Variants in GLI4 observed in about 807,000 individuals in gnomAD.
The protein encoded by GLI4 is zinc finger protein GLI4.
A neutral mutation model predicts 30.9 loss-of-function variants in GLI4; 34 were observed. That is an observed-to-expected ratio of 1.10 (90% CI 0.84 to 1.47). GLI4 has a LOEUF of 1.47. Ranked by LOEUF, GLI4 falls within the 40% of genes most tolerant of loss-of-function variation. The pLI is 0.00. For missense variants in GLI4, 696 were observed against 538.9 expected (o/e 1.29, Z -2.89); for synonymous variants, 277 against 236.7 (o/e 1.17, Z -1.56).
At chr8:143,274,176 C>T (rs987020802) in intron 2 of GLI4, among the ~76,000 whole-genome samples, 31 of 152,158 alleles carry the variant, frequency 2.0e-4, no homozygotes, top group African/African-American at 5.5e-4. Flanking sequence ...GGGGCCAGTG[C>T]GCTGGGCCTG....
chr8:143,270,691 C>T (rs1815248726), intron 2 of GLI4, among the ~76,000 whole-genome samples: 1 of 152,204 alleles, frequency 6.6e-6, no homozygotes, highest in South Asian at 2.1e-4. Context: ...GAGAGGAGTT[C>T]TCCTGTCCCG....
intron 2 of GLI4, 102 bp downstream of exon 2, chr8:143,269,622 C>G: frequency 2.1e-6 from 2 of 941,354 alleles, no homozygotes; most frequent in Non-Finnish European, 3.4e-6. Flanking sequence ...ACTTGAGAGG[C>G]GCCTCCAGAC....
Position 143,276,623 on chromosome 8 carries a change from A to C in GLI4, c.950A>C (p.His317Pro). ...SSVLIEHQRI[H>P]TGEKPYECSD... ...GTGCTCATCGAGCACCAGCGCATCC[A>C]CACTGGCGAGAAGCCCTACGAGTGC... Residue 317 changes from histidine (H) to proline (P), a missense_variant, in exon 4 of 4, where the codon CAC (histidine) becomes CCC (proline). Physicochemically the swap from His to Pro is moderately conservative, Grantham distance 77. Coordinates refer to ENST00000340042, the MANE Select transcript of GLI4 (RefSeq NM_138465.4). 1 of 1,612,644 alleles carries C rather than the reference A, an allele frequency of 6.2e-7. No homozygotes were observed. The highest frequency in any genetic ancestry group is 8.5e-7 in the Non-Finnish European group (1 of 1,179,780).
rs1464377413 is a variant in GLI4 at position 143,275,997 on chromosome 8, C to A, written c.324C>A (p.Pro108=). ...TGCGCAGCCTCCTGAGGAGCCTTCC[C>A]CGCAGGGCCCGGTGCAGCGCCGGCT... ...GALRSLLRSL[P]RRARCSAGFG... The change falls in exon 4 of 4, where the codon CCC becomes CCA. Residue 108 remains proline (P), a synonymous_variant. Coordinates refer to ENST00000340042, the MANE Select transcript of GLI4 (RefSeq NM_138465.4). The A allele has an allele frequency of 7.1e-7, 1 of 1,408,612 alleles. No individual in the cohort carries two copies. Among genetic ancestry groups the A allele is most frequent in the African/African-American group, 1.5e-5 (1 of 66,712 alleles). 87.3% of individuals were successfully genotyped at this position (1,408,612 alleles called of 1,614,324 possible).
At chr8:143,268,662 A>T (rs1273889577) in intron 1 of GLI4, among the ~76,000 whole-genome samples, 1 of 152,178 alleles carries the variant, frequency 6.6e-6, no homozygotes, top group Non-Finnish European at 1.5e-5. Flanking sequence ...CCAGCAGCTG[A>T]GGTTTTTCTG....
At chr8:143,274,942 C>T in intron 3 of GLI4, 140 bp downstream of exon 3, 1 of 1,480,466 alleles carries the variant, frequency 6.8e-7, no homozygotes, top group South Asian at 1.3e-5. Flanking sequence ...ATCAGCTCAC[C>T]TCTGCCCCGT....
In GLI4 at chr8:143,269,410, G is replaced by A. The variant is rs766995041; in HGVS notation, c.14G>A (p.Gly5Glu). Residue 5 changes from glycine (G) to glutamate (E), a missense_variant, in exon 2 of 4, where the codon GGG becomes GAG. Gly to Glu is a moderately conservative substitution (Grantham distance 98). Transcript: ENST00000340042. Reference protein sequence around the residue: MAALGDIQESPSVPS... With the variant: MAALEDIQESPSVPS... ...GTCTCAGGGAAGATGGCAGCCCTAGGGGACATTCAGGAGTCCCCTTCTGTC... is the reference window on the plus strand; with the variant it reads ...GTCTCAGGGAAGATGGCAGCCCTAGAGGACATTCAGGAGTCCCCTTCTGTC... 1.2e-6 allele frequency: 2 copies of A among 1,611,366 alleles called. No individual in the cohort carries two copies. Among genetic ancestry groups the A allele is most frequent in the South Asian group, 1.1e-5 (1 of 91,044 alleles).
At position 143,276,473 on chromosome 8, in the gene GLI4, A is replaced by ACAAGTGCGG. The variant is rs748071620; in HGVS notation, c.802_810dup (p.Lys268_Gly270dup). 1 of 1,612,704 alleles carries ACAAGTGCGG rather than the reference A, an allele frequency of 6.2e-7. No individual in the cohort carries two copies. The highest frequency in any genetic ancestry group is 2.2e-5 in the East Asian group (1 of 44,846). On this transcript the variant is annotated inframe_insertion, in exon 4 of 4. Transcript: ENST00000340042. ...CGCATCCACAACGGCGAGAAGCCCT[A>ACAAGTGCGG]CAAGTGCGGCGAGTGCGGCCAGGCC...
At chr8:143,269,693 C>T (rs925691123) in intron 2 of GLI4, among the ~76,000 whole-genome samples, 173 bp downstream of exon 2, 8 of 152,222 alleles carry the variant, frequency 5.3e-5, no homozygotes, top group Non-Finnish European at 8.8e-5. Flanking sequence ...GGGCTCGGCG[C>T]GGGTTGGGTT....
rs1056148 is a variant in GLI4 at position 143,276,211 on chromosome 8, G to A, written c.538G>A (p.Ala180Thr). 752,195 of 1,579,190 alleles carry A rather than the reference G, an allele frequency of 0.48. 187,998 individuals carry two copies. The highest frequency in any genetic ancestry group is 0.68 in the East Asian group (28,667 of 42,374). Residue 180 changes from alanine to threonine, a missense_variant, in exon 4 of 4, where the codon GCC becomes ACC. Ala to Thr is a moderately conservative substitution (Grantham distance 58). Transcript: ENST00000340042. ...GRSRQGSARGAKPHRCEACGK... is the reference protein window; with the variant it reads ...GRSRQGSARGTKPHRCEACGK... ...GAGCCGGCAGGGCAGCGCGCGGGGG[G>A]CCAAGCCGCACAGGTGCGAGGCCTG...
chr8:143,274,985 A>G (rs2129686959), intron 3 of GLI4, 183 bp downstream of exon 3: 1 of 1,493,274 alleles, frequency 6.7e-7, no homozygotes, highest in Middle Eastern at 1.7e-4. Flanking sequence ...CAGTCCAGTT[A>G]CTGATGCTTC....
chr8:143,269,365 A>G lies in GLI4; in HGVS notation c.-32A>G. The G allele has an allele frequency of 1.2e-6, 2 of 1,605,152 alleles. No individual in the cohort carries two copies. Among genetic ancestry groups the G allele is most frequent in the South Asian group, 1.1e-5 (1 of 90,820 alleles). On this transcript the variant is annotated 5_prime_UTR_variant, in exon 2 of 4. Coordinates refer to ENST00000340042, the MANE Select transcript of GLI4 (RefSeq NM_138465.4). ...ATGGTTTTCATTTTCCCCAGGTCCCAGGTGTGACACCTTCAGCAGGTCTCA... is the reference window on the plus strand; with the variant it reads ...ATGGTTTTCATTTTCCCCAGGTCCCGGGTGTGACACCTTCAGCAGGTCTCA...
At chr8:143,272,677 C>CT (rs1172775919) in intron 2 of GLI4, among the ~76,000 whole-genome samples, 2 of 152,204 alleles carry the variant, frequency 1.3e-5, no homozygotes, top group African/African-American at 4.8e-5. Context: ...TGGCAGGTGA[C>CT]TGAGCTCTGC....
intron 2 of GLI4, among the ~76,000 whole-genome samples, chr8:143,270,327 C>T (rs1815239600): frequency 6.6e-6 from 1 of 152,212 alleles, no homozygotes; most frequent in Non-Finnish European, 1.5e-5. Flanking sequence ...GGTGGGCACT[C>T]AGATGGGGAC....
At position 143,267,924 on chromosome 8, in the gene GLI4, G is replaced by GAT. The variant is rs963720876; in HGVS notation, c.-38+441_-38+442dup. The GAT allele has an allele frequency of 3.0e-5, 30 of 985,442 alleles. No homozygotes were observed. The South Asian group carries it at 1.3e-3, about 43-fold the overall frequency. The allele number at this position is 985,442 out of a possible 1,614,324, so 61.0% of individuals were successfully genotyped here. ...CGGGGCTGGGAACAGAGGGGCAGAGGATGCTTCCCCCGAGCCGCTGGCAGG... is the reference window on the plus strand; with the variant it reads ...CGGGGCTGGGAACAGAGGGGCAGAGGATATGCTTCCCCCGAGCCGCTGGCAGG... On this transcript the variant is annotated intron_variant, in intron 1 of 3. Coordinates refer to ENST00000340042, the MANE Select transcript of GLI4 (RefSeq NM_138465.4).
chr8:143,276,033 A>G lies in GLI4; in HGVS notation c.360A>G (p.Glu120=), dbSNP rs887991630. ...RARCSAGFGP[E]SSAERPAGQP... ...GGTGCAGCGCCGGCTTCGGGCCTGA[A>G]TCCAGCGCGGAGCGGCCGGCGGGCC... Residue 120 remains glutamate (E), a synonymous_variant, in exon 4 of 4, where the codon GAA becomes GAG. Transcript: ENST00000340042. 3.6e-6 allele frequency: 5 copies of G among 1,390,398 alleles called. No individual in the cohort carries two copies. The highest frequency in any genetic ancestry group is 4.6e-6 in the Non-Finnish European group (5 of 1,075,680). 86.1% of individuals were successfully genotyped at this position (1,390,398 alleles called of 1,614,324 possible). A position where few individuals can be genotyped will look rare whatever the true frequency, so the allele number is the denominator to read the frequency against.
In GLI4 at chr8:143,275,999, G is replaced by A. The variant is rs553133896; in HGVS notation, c.326G>A (p.Arg109His). 1.3e-4 allele frequency: 181 copies of A among 1,407,434 alleles called. No individual in the cohort carries two copies. The African/African-American group carries it at 2.6e-3, about 20-fold the overall frequency. 87.2% of individuals were successfully genotyped at this position (1,407,434 alleles called of 1,614,324 possible). ...ALRSLLRSLP[R>H]RARCSAGFGP... ...CGCAGCCTCCTGAGGAGCCTTCCCC[G>A]CAGGGCCCGGTGCAGCGCCGGCTTC... is the stretch of plus-strand genomic sequence containing the variant. The change falls in exon 4 of 4, where the codon CGC becomes CAC. Residue 109 changes from arginine to histidine, a missense_variant. Transcript: ENST00000340042.
Position 143,275,934 on chromosome 8 carries a change from T to G in GLI4, c.261T>G (p.Pro87=). ...EPKPEQAPRS[P]GSQAPDEGAG... is the part of the protein sequence containing the mutation. Reference sequence around the variant, plus strand: ...AGCCGGAGCAGGCTCCACGCTCTCCTGGCTCTCAGGCCCCTGACGAGGGGG... The same window carrying G: ...AGCCGGAGCAGGCTCCACGCTCTCCGGGCTCTCAGGCCCCTGACGAGGGGG... The change falls in exon 4 of 4, where the codon CCT becomes CCG. Residue 87 remains proline (P), a synonymous_variant. Coordinates refer to ENST00000340042, the MANE Select transcript of GLI4 (RefSeq NM_138465.4). The G allele has an allele frequency of 2.3e-6, 3 of 1,329,238 alleles. No homozygotes were observed. Among genetic ancestry groups the G allele is most frequent in the Middle Eastern group, 2.0e-4 (1 of 5,090 alleles). The allele number at this position is 1,329,238 out of a possible 1,614,324, so 82.3% of individuals were successfully genotyped here. A position where few individuals can be genotyped will look rare whatever the true frequency, so the allele number is the denominator to read the frequency against.
chr8:143,276,237 C>G lies in GLI4; in HGVS notation c.564C>G (p.Cys188Trp). Residue 188 changes from cysteine (C) to tryptophan (W), a missense_variant, in exon 4 of 4, where the codon TGC becomes TGG. Coordinates refer to ENST00000340042, the MANE Select transcript of GLI4 (RefSeq NM_138465.4). ...RGAKPHRCEA[C>W]GKSFKYNSLL... is the part of the protein sequence containing the mutation. ...CCAAGCCGCACAGGTGCGAGGCCTG[C>G]GGCAAGAGTTTCAAGTATAACTCGC... is the stretch of plus-strand genomic sequence containing the variant. 1 of 1,604,234 alleles carries G rather than the reference C, an allele frequency of 6.2e-7. No individual in the cohort carries two copies. Among genetic ancestry groups the G allele is most frequent in the Non-Finnish European group, 8.5e-7 (1 of 1,175,842 alleles).
Sources: allele counts gnomAD v4.1 joint callset (sites outside exome capture counted in the v4.1 genomes callset), GRCh38; gene constraint gnomAD v4.1.1; transcripts MANE v1.5; gene names NCBI Gene and HGNC (gene_info 2026-07-23, HGNC 2026-07-21).